The following GATM variants were observed in gnomAD, a reference collection of about 807,000 sequenced individuals.
The protein encoded by GATM is glycine amidinotransferase.
Under a neutral mutation model 54.2 loss-of-function variants are expected in GATM, and 23 were observed. That is an observed-to-expected ratio of 0.42 (90% CI 0.31 to 0.60). The LOEUF is 0.60. GATM is among the 20% of genes least tolerant of loss of function. The pLI is 0.14. For missense variants in GATM, 401 were observed against 544.9 expected (o/e 0.74, Z 2.63); for synonymous variants, 168 against 183.1 (o/e 0.92, Z 0.67).
intron 1 of GATM, chr15:45,401,841 T>C (rs1890015919): frequency 1.3e-5 from 2 of 152,522 alleles, no homozygotes; most frequent in African/African-American, 4.8e-5. Context: ...CCCACTATGC[T>C]GGTACTTTCC....
At chr15:45,393,452 AT>A (rs1889892891) in intron 3 of GATM, among the ~76,000 whole-genome samples, 2 of 152,172 alleles carry the variant, frequency 1.3e-5, no homozygotes, top group South Asian at 4.1e-4. Flanking sequence ...TCCCAAGGTT[AT>A]TGGGAGGATT....
Position 45,366,227 on chromosome 15 carries a change from G to C in GATM, c.814-17C>G, listed in dbSNP as rs368314780. 13 of 1,613,878 alleles carry C rather than the reference G, an allele frequency of 8.1e-6. No homozygotes were observed. In the African/African-American group the frequency reaches 1.5e-4, roughly 18 times the overall value. On this transcript the variant is annotated splice_polypyrimidine_tract_variant and intron_variant, in intron 5 of 8. Transcript: ENST00000396659. Reference sequence around the variant, plus strand: ...GTTTGTAACCTGAAAACAAAAGAAAGACATACGATCGATAAATATTTGGTT... The same window carrying C: ...GTTTGTAACCTGAAAACAAAAGAAACACATACGATCGATAAATATTTGGTT...
chr15:45,395,263 A>C (rs973448716), intron 3 of GATM, among the ~76,000 whole-genome samples: 2 of 152,216 alleles, frequency 1.3e-5, no homozygotes, highest in African/African-American at 4.8e-5. Flanking sequence ...ACTACTAGAC[A>C]AGTCTGAGTG....
rs567212027 is a variant in GATM, at chr15:45,390,738, A to T, written c.-319+6184T>A. Among the ~76,000 whole-genome samples the T allele has an allele frequency of 3.1e-4, 37 of 119,284 alleles. 1 individual carries two copies. The highest frequency in any genetic ancestry group is 4.9e-4 in the Non-Finnish European group (33 of 67,796). The allele number at this position is 119,284 out of a possible 152,430, so 78.3% of individuals were successfully genotyped here. The stretch of plus-strand genomic sequence containing the variant: ...CAAATTAAGCTGATAAGATACACAG[A>T]ATCTACTTATTTAAATATAAAATGA... On this transcript the variant is annotated intron_variant, in intron 3 of 4. Transcript: ENST00000561148.
At chr15:45,397,387 G>C (rs1889946852) in intron 2 of GATM, 1 of 152,082 alleles carries the variant, frequency 6.6e-6, no homozygotes, top group Non-Finnish European at 1.5e-5. Flanking sequence ...TCTCCAGAGA[G>C]GGACGGAGGC....
upstream of GATM, chr15:45,379,797 G>C (rs763640604): frequency 2.6e-5 from 4 of 151,978 alleles, no homozygotes; most frequent in African/African-American, 7.3e-5. Flanking sequence ...AGACTATCCT[G>C]GTCAACATGA....
intron 8 of GATM, among the ~76,000 whole-genome samples, chr15:45,362,984 T>G (rs950862719): frequency 6.6e-6 from 1 of 152,126 alleles, no homozygotes; most frequent in East Asian, 1.9e-4. Context: ...GCATGAGCCA[T>G]TCAGAAAGAC....
At chr15:45,385,874 A>G (rs1269294942) in intron 3 of GATM, among the ~76,000 whole-genome samples, 1 of 151,944 alleles carries the variant, frequency 6.6e-6, no homozygotes, top group African/African-American at 2.4e-5. Context: ...TCTCCTAGTG[A>G]CTCCTCTAGA....
At chr15:45,390,749 T>G (rs1174617793) in intron 3 of GATM, among the ~76,000 whole-genome samples, 3 of 119,456 alleles carry the variant, frequency 2.5e-5, no homozygotes, top group Non-Finnish European at 1.5e-5. Context: ...ATCTACTTAT[T>G]TAAATATAAA....
chr15:45,367,212 G>A (rs912777594), intron 4 of GATM, among the ~76,000 whole-genome samples: 5 of 152,050 alleles, frequency 3.3e-5, no homozygotes, highest in African/African-American at 1.2e-4. Context: ...ATGGTGGCAT[G>A]CACCTGTAAT....
intron 1 of GATM, 99 bp from the exon 2 acceptor site, chr15:45,376,918 C>A (rs1379821322): frequency 1.9e-6 from 2 of 1,045,056 alleles, no homozygotes; most frequent in East Asian, 5.2e-5. Context: ...CATAACATTG[C>A]CACTTAAACC....
In GATM at chr15:45,368,870, A is replaced by G. The variant is rs1345043568; in HGVS notation, c.484+456T>C. Reference sequence around the variant, plus strand: ...CATTTGTAAGCTCCTTTCTTGCTATACAGAAACACAGCTCTTAAAGGACTA... The same window carrying G: ...CATTTGTAAGCTCCTTTCTTGCTATGCAGAAACACAGCTCTTAAAGGACTA... On this transcript the variant is annotated intron_variant, in intron 3 of 8. Coordinates refer to ENST00000396659, the MANE Select transcript of GATM (RefSeq NM_001482.3). This position sits in a 1 kb window ranked among gnomAD's most constrained non-coding sequence, Gnocchi z 5.1. Among the ~76,000 whole-genome samples the G allele has an allele frequency of 2.0e-5, 3 of 152,154 alleles. No homozygotes were observed. Among genetic ancestry groups the G allele is most frequent in the African/African-American group, 7.2e-5 (3 of 41,436 alleles).
At chr15:45,373,489 C>T (rs984329359) in intron 2 of GATM, among the ~76,000 whole-genome samples, 5 of 150,466 alleles carry the variant, frequency 3.3e-5, no homozygotes, top group East Asian at 2.0e-4. Context: ...GGCGAGACAG[C>T]GAGATTCCAT....
At chr15:45,402,171 T>C (rs1890027645) in exon 1 of GATM, 2 of 517,700 alleles carry the variant, frequency 3.9e-6, no homozygotes, top group Non-Finnish European at 6.7e-6. Context: ...CCCAGACACC[T>C]GTAACGAAGA....
chr15:45,372,659 C>T (rs2140651576), intron 2 of GATM, among the ~76,000 whole-genome samples: 1 of 152,362 alleles, frequency 6.6e-6, no homozygotes, highest in East Asian at 1.9e-4. Context: ...GTTATGCTGT[C>T]TTGCCAGACT....
rs868398958 is a variant in GATM at position 45,361,214 on chromosome 15, C to T, written c.*895G>A. ...TTCACATCGCATTTAGGTTTTACCT[C>T]CATTAGTTTTTTTTAATGCTTATAA... On this transcript the variant is annotated 3_prime_UTR_variant, in exon 9 of 9. Transcript: ENST00000396659. 6.6e-6 allele frequency: 1 copy of T among 152,008 alleles called. No individual in the cohort carries two copies. Among genetic ancestry groups the T allele is most frequent in the Non-Finnish European group, 1.5e-5 (1 of 67,988 alleles). 9.4% of individuals were successfully genotyped at this position (152,008 alleles called of 1,614,324 possible).
chr15:45,368,050 G>A lies in GATM; in HGVS notation c.675+20C>T. 2 of 1,607,606 alleles carry A rather than the reference G, an allele frequency of 1.2e-6. No homozygotes were observed. The highest frequency in any genetic ancestry group is 1.7e-6 in the Non-Finnish European group (2 of 1,174,390). ...ATTTAGAAAAGTTAGTAATAAGCTAGCCTATAATTAGGGACTCACCTGGTT... is the reference window on the plus strand; with the variant it reads ...ATTTAGAAAAGTTAGTAATAAGCTAACCTATAATTAGGGACTCACCTGGTT... On this transcript the variant is annotated intron_variant, in intron 4 of 8. Coordinates refer to ENST00000396659, the MANE Select transcript of GATM (RefSeq NM_001482.3). This position sits in a 1 kb window ranked among gnomAD's most constrained non-coding sequence, Gnocchi z 5.1.
In GATM at chr15:45,376,367, T is replaced by C. The variant is rs7494956; in HGVS notation, c.288+234A>G. On this transcript the variant is annotated intron_variant, in intron 2 of 8. Coordinates refer to ENST00000396659, the MANE Select transcript of GATM (RefSeq NM_001482.3). ...AGATCTGAGGACAGTGAAAGAACTA[T>C]TATTCCCAGAAAAGCTCTCTCAGAA... 0.32 allele frequency among the ~76,000 whole-genome samples: 48,444 copies of C among 151,932 alleles called. 8,801 individuals are homozygous for C. The highest frequency in any genetic ancestry group is 0.83 in the East Asian group (4,272 of 5,140).
chr15:45,361,782 G>T lies in GATM; in HGVS notation c.*327C>A. 1 of 489,102 alleles carries T rather than the reference G, an allele frequency of 2.0e-6. No individual in the cohort carries two copies. Among genetic ancestry groups the T allele is most frequent in the Non-Finnish European group, 3.6e-6 (1 of 280,006 alleles). The allele number at this position is 489,102 out of a possible 1,614,324, so 30.3% of individuals were successfully genotyped here. ...GACCAACATTTCAAGCTGCCTTTTG[G>T]AAAGAAAATTAAAAACAGAGGTAGA... On this transcript the variant is annotated 3_prime_UTR_variant, in exon 9 of 9. Transcript: ENST00000396659.
Sources: gnomAD v4.1 joint callset for allele counts (sites outside exome capture counted in the v4.1 genomes callset) on GRCh38, gnomAD v4.1.1 for gene constraint, Gnocchi (gnomAD v3.1) non-coding constraint, MANE v1.5 for transcripts, NCBI Gene and HGNC (gene_info 2026-07-23, HGNC 2026-07-21) for gene names.